Variants in MTUS1 observed in about 807,000 individuals in gnomAD.
MTUS1 encodes the protein microtubule-associated tumor suppressor 1.
MTUS1 carries 109 observed loss-of-function variants against 120.8 expected under a neutral mutation model. The observed-to-expected ratio is 0.90, with a 90% CI of 0.77 to 1.06. MTUS1 has a LOEUF of 1.06. Ranked by LOEUF, MTUS1 falls within the 50% of genes least tolerant of loss-of-function variation. The probability of loss-of-function intolerance (pLI) is 0.00; values close to 1 mark genes in which losing one functional copy is unlikely to be tolerated. For synonymous variants in MTUS1, 737 were observed against 550.5 expected (o/e 1.34, Z -4.74); for missense variants, 2,210 against 1,486.3 (o/e 1.49, Z -8.01).
intron 3 of MTUS1, among the ~76,000 whole-genome samples, chr8:17,731,955 G>C (rs1192031374): frequency 1.3e-5 from 2 of 152,200 alleles, no homozygotes; most frequent in Admixed American, 6.5e-5. Flanking sequence ...GTAGGGGCAA[G>C]AGCCAGATCT....
intron 3 of MTUS1, among the ~76,000 whole-genome samples, chr8:17,742,291 G>GTTTTTTTTTT (rs1237059839): frequency 2.1e-5 from 2 of 94,698 alleles, no homozygotes; most frequent in Admixed American, 1.4e-4. Flanking sequence ...TGTTGTTGTT[G>GTTTTTTTTTT]TTTTTTTTTT....
At chr8:17,746,645 A>G (rs998322467) in intron 2 of MTUS1, among the ~76,000 whole-genome samples, 1 of 152,126 alleles carries the variant, frequency 6.6e-6, no homozygotes, top group Non-Finnish European at 1.5e-5. Context: ...GGTCCCTCCC[A>G]CAATATGTGG....
chr8:17,676,670 C>T (rs1813191604), intron 7 of MTUS1, among the ~76,000 whole-genome samples: 1 of 152,122 alleles, frequency 6.6e-6, no homozygotes. Context: ...AAACTGACCC[C>T]CTCTGCATGG....
Position 17,675,918 on chromosome 8 carries a change from A to C in MTUS1, c.2839-666T>G, listed in dbSNP as rs572737683. ...TTTTAGTATCAGAGAAGCAAGTATC[A>C]ACCTTGAGCTGAAGAATAATGTTCA... On this transcript the variant is annotated intron_variant, in intron 7 of 14. Coordinates refer to ENST00000693296, the MANE Select transcript of MTUS1 (RefSeq NM_001363059.2). 123 of 188,576 alleles carry C rather than the reference A, an allele frequency of 6.5e-4. 1 individual carries two copies. Among genetic ancestry groups the C allele is most frequent in the African/African-American group, 2.8e-3 (121 of 43,030 alleles). The allele number at this position is 188,576 out of a possible 1,614,324, so 11.7% of individuals were successfully genotyped here. A position where few individuals can be genotyped will look rare whatever the true frequency, so the allele number is the denominator to read the frequency against.
chr8:17,647,003 T>C lies in MTUS1; in HGVS notation c.3578A>G (p.Asp1193Gly), dbSNP rs1226621346. Residue 1193 changes from aspartate (D) to glycine (G), a missense_variant, in exon 14 of 15, where the codon GAC (aspartate) becomes GGC (glycine). Coordinates refer to ENST00000693296, the MANE Select transcript of MTUS1 (RefSeq NM_001363059.2). ...TTACCTTGAGATTGCCATGTGCTTG[T>C]CCATCCGAGCTTTCAATTCTTCATT... ...QENEELKARM[D>G]KHMAISRQLS... 1.2e-6 allele frequency: 2 copies of C among 1,613,974 alleles called. No individual in the cohort carries two copies. The highest frequency in any genetic ancestry group is 1.3e-5 in the African/African-American group (1 of 75,028).
At position 17,653,492 on chromosome 8, in the gene MTUS1, T is replaced by C. The variant is rs1426266818; in HGVS notation, c.3221A>G (p.Lys1074Arg). ...TTTCTTTTCTATTTCATGGCCTTTC[T>C]TAATTTCTGGGAAAATAAACGGATA... ...KAYEASLSEI[K>R]KGHEIEKKSL... The change falls in exon 11 of 15, where the codon AAG (lysine) becomes AGG (arginine). Residue 1074 changes from lysine (K) to arginine (R), a missense_variant. Coordinates refer to ENST00000693296, the MANE Select transcript of MTUS1 (RefSeq NM_001363059.2). 1 of 1,608,050 alleles carries C rather than the reference T, an allele frequency of 6.2e-7. No individual in the cohort carries two copies. Among genetic ancestry groups the C allele is most frequent in the African/African-American group, 1.3e-5 (1 of 74,662 alleles).
chr8:17,722,572 CAT>C (rs909467346), intron 4 of MTUS1: 6 of 985,206 alleles, frequency 6.1e-6, no homozygotes, highest in Admixed American at 1.2e-4. Flanking sequence ...TACTTACTCT[CAT>C]ATGAGTCCAG....
intron 6 of MTUS1, among the ~76,000 whole-genome samples, chr8:17,700,402 G>A (rs1818815618): frequency 1.4e-5 from 2 of 138,008 alleles, no homozygotes; most frequent in Non-Finnish European, 3.0e-5. Flanking sequence ...TCTGGGAGAT[G>A]GAGGTTGCAA....
At chr8:17,751,031 A>G (rs1159970735) in intron 2 of MTUS1, among the ~76,000 whole-genome samples, 2 of 152,188 alleles carry the variant, frequency 1.3e-5, no homozygotes, top group Admixed American at 1.3e-4. Flanking sequence ...AAAAATTAAC[A>G]TCCGACCGGG....
chr8:17,659,993 CTGTT>C, intron 8 of MTUS1, among the ~76,000 whole-genome samples: 1 of 152,128 alleles, frequency 6.6e-6, no homozygotes. Flanking sequence ...CCTGTTGTGA[CTGTT>C]TATTTCATTT....
At chr8:17,679,363 G>A (rs1162534081) in intron 7 of MTUS1, among the ~76,000 whole-genome samples, 1 of 140,292 alleles carries the variant, frequency 7.1e-6, no homozygotes, top group African/African-American at 3.3e-5. Flanking sequence ...GCGCGTGTGT[G>A]TGTGTGTGTG....
At chr8:17,765,805 A>C (rs2049443043) in intron 1 of MTUS1, among the ~76,000 whole-genome samples, 1 of 151,536 alleles carries the variant, frequency 6.6e-6, no homozygotes, top group South Asian at 2.1e-4. Context: ...GTATACTCTC[A>C]ATTTTCTCGT....
chr8:17,664,103 T>C (rs1018847910), intron 8 of MTUS1: 2 of 152,132 alleles, frequency 1.3e-5, no homozygotes, highest in Non-Finnish European at 2.9e-5. Context: ...ATAACAGAAA[T>C]ATAACAGTTA....
At chr8:17,798,078 T>C (rs979383769) in intron 1 of MTUS1, among the ~76,000 whole-genome samples, 1 of 152,184 alleles carries the variant, frequency 6.6e-6, no homozygotes, top group Admixed American at 6.5e-5. Context: ...TCTGGCAAAA[T>C]GATACTACAA....
intron 3 of MTUS1, among the ~76,000 whole-genome samples, chr8:17,738,687 T>G (rs1171987972): frequency 6.6e-6 from 1 of 152,218 alleles, no homozygotes; most frequent in Non-Finnish European, 1.5e-5. Flanking sequence ...AAGCCCGGCA[T>G]GCATTAGCTA....
At chr8:17,726,984 C>G (rs2046267420) in intron 3 of MTUS1, among the ~76,000 whole-genome samples, 1 of 152,082 alleles carries the variant, frequency 6.6e-6, no homozygotes. Context: ...CTGAGTGTGC[C>G]TGGGAATTAC....
intron 1 of MTUS1, among the ~76,000 whole-genome samples, chr8:17,773,056 C>G (rs1563367785): frequency 6.6e-6 from 1 of 152,170 alleles, no homozygotes; most frequent in Non-Finnish European, 1.5e-5. Context: ...CCCCCACTTT[C>G]ACCTAGTTGG....
intron 1 of MTUS1, among the ~76,000 whole-genome samples, chr8:17,793,756 G>A (rs1350442646): frequency 6.6e-6 from 1 of 152,152 alleles, no homozygotes; most frequent in Non-Finnish European, 1.5e-5. Context: ...CATGATTAAT[G>A]ACAAGGATGC....
At chr8:17,738,840 T>A (rs540533371) in intron 3 of MTUS1, among the ~76,000 whole-genome samples, 6 of 152,150 alleles carry the variant, frequency 3.9e-5, no homozygotes, top group Non-Finnish European at 5.9e-5. Flanking sequence ...TTTTAATTTT[T>A]AAAAAAATTA....
Sources: allele counts gnomAD v4.1 joint callset (sites outside exome capture counted in the v4.1 genomes callset), GRCh38; gene constraint gnomAD v4.1.1; transcripts MANE v1.5; gene names NCBI Gene and HGNC (gene_info 2026-07-23, HGNC 2026-07-21).